The following PLEKHG1 variants were observed in gnomAD, a reference collection of about 807,000 sequenced individuals.
PLEKHG1 encodes the protein pleckstrin homology and RhoGEF domain containing G1.
PLEKHG1 carries 44 observed loss-of-function variants against 100.8 expected under a neutral mutation model. That is an observed-to-expected ratio of 0.44 (90% CI 0.34 to 0.56). PLEKHG1 has a LOEUF of 0.56. Among genes scored for constraint, PLEKHG1 ranks in the 20% least tolerant of loss-of-function variants. PLEKHG1 has a pLI of 0.01. For synonymous variants in PLEKHG1, 640 were observed against 662.5 expected (o/e 0.97, Z 0.52); for missense variants, 1,545 against 1,720.9 (o/e 0.90, Z 1.81).
intron 2 of PLEKHG1, 148 bp from the exon 4 acceptor site, chr6:150,768,490 A>G (rs1265083044): frequency 1.5e-5 from 9 of 618,688 alleles, no homozygotes; most frequent in Admixed American, 6.0e-5. Context: ...AGGGCCAGTA[A>G]TAAGAGAGCA....
intron 14 of PLEKHG1, among the ~76,000 whole-genome samples, chr6:150,824,521 CT>C (rs796906214): frequency 2.5e-3 from 369 of 145,388 alleles, no homozygotes; most frequent in African/African-American, 5.5e-3. Flanking sequence ...TCAACGTAGT[CT>C]TTTTTTTTTT....
intron 2 of PLEKHG1, among the ~76,000 whole-genome samples, chr6:150,746,259 A>G (rs2128625644): frequency 6.6e-6 from 1 of 152,316 alleles, no homozygotes; most frequent in East Asian, 1.9e-4. Context: ...CAGAAATGAG[A>G]ATTATGTTCA....
At chr6:150,708,069 G>C (rs909619867) in intron 3 of PLEKHG1, among the ~76,000 whole-genome samples, 1 of 152,138 alleles carries the variant, frequency 6.6e-6, no homozygotes, top group Admixed American at 6.5e-5. Context: ...AGAAATCCCT[G>C]TTCTTTTCCT....
At chr6:150,614,684 C>T (rs943519644) in intron 1 of PLEKHG1, among the ~76,000 whole-genome samples, 1 of 152,186 alleles carries the variant, frequency 6.6e-6, no homozygotes, top group Non-Finnish European at 1.5e-5. Context: ...GGCTCTCCCT[C>T]ACTCTCCCTC....
At chr6:150,840,738 G>A in exon 16 of PLEKHG1, 1 of 1,614,192 alleles carries the variant, frequency 6.2e-7, no homozygotes, top group Non-Finnish European at 8.5e-7. Context: ...AAAAAAGCCG[G>A]TTAACAGCAA....
intron 1 of PLEKHG1, among the ~76,000 whole-genome samples, chr6:150,725,363 A>G (rs989791206): frequency 6.6e-6 from 1 of 152,242 alleles, no homozygotes; most frequent in African/African-American, 2.4e-5. Context: ...AGACATTCAT[A>G]CCATAGCAAT....
chr6:150,747,332 G>A (rs1045973825), intron 2 of PLEKHG1, among the ~76,000 whole-genome samples: 4 of 152,214 alleles, frequency 2.6e-5, no homozygotes, highest in East Asian at 3.8e-4. Context: ...CCTGGGTCAC[G>A]TGATAAGCCG....
chr6:150,777,445 C>T (rs976442927), intron 3 of PLEKHG1, among the ~76,000 whole-genome samples: 13 of 144,930 alleles, frequency 9.0e-5, no homozygotes, highest in South Asian at 2.2e-4. Flanking sequence ...TGCACATGTG[C>T]GGTTGCACAT....
chr6:150,673,896 C>T (rs1562426796), intron 3 of PLEKHG1, among the ~76,000 whole-genome samples: 1 of 152,102 alleles, frequency 6.6e-6, no homozygotes, highest in Non-Finnish European at 1.5e-5. Context: ...AACTCCTGGG[C>T]TCAAGCATTC....
At chr6:150,812,142 A>G (rs1787568020) in intron 10 of PLEKHG1, among the ~76,000 whole-genome samples, 1 of 152,082 alleles carries the variant, frequency 6.6e-6, no homozygotes, top group Admixed American at 6.6e-5. Context: ...TGGGAGTGAG[A>G]GAGAGGAGCC....
intron 3 of PLEKHG1, among the ~76,000 whole-genome samples, chr6:150,678,054 G>A (rs967287907): frequency 1.0e-5 from 1 of 100,094 alleles, no homozygotes; most frequent in African/African-American, 3.7e-5. Flanking sequence ...ACAATGTGAT[G>A]TTTTGATGCA....
At chr6:150,616,831 T>TA (rs1329781356) in intron 1 of PLEKHG1, among the ~76,000 whole-genome samples, 4 of 152,264 alleles carry the variant, frequency 2.6e-5, no homozygotes, top group Non-Finnish European at 5.9e-5. Context: ...CAAAGAGGTG[T>TA]ACTAATCAGA....
chr6:150,752,041 C>A (rs554494175), intron 2 of PLEKHG1, among the ~76,000 whole-genome samples: 2 of 152,166 alleles, frequency 1.3e-5, no homozygotes, highest in African/African-American at 4.8e-5. Flanking sequence ...ATACAGAAAG[C>A]CGGGCATGGT....
rs1776279479 is a variant in PLEKHG1, at chr6:150,600,220, G to A, written c.-204+203G>A. Among the ~76,000 whole-genome samples, 2 of 151,060 alleles carry A rather than the reference G, an allele frequency of 1.3e-5. No homozygotes were observed. Among genetic ancestry groups the A allele is most frequent in the Non-Finnish European group, 3.0e-5 (2 of 67,570 alleles). On this transcript the variant is annotated intron_variant, in intron 1 of 3. Coordinates refer to the PLEKHG1 transcript ENST00000367326. This position sits in a 1 kb window ranked among gnomAD's most constrained non-coding sequence, Gnocchi z 6.2. ...CCGAGCGGTGGGGACAGAGGGCGCC[G>A]GGGGCACCGCGCGGTGGGGACGGAG... is the stretch of plus-strand genomic sequence containing the variant.
At chr6:150,755,589 G>A (rs1044226665) in intron 2 of PLEKHG1, among the ~76,000 whole-genome samples, 1 of 152,186 alleles carries the variant, frequency 6.6e-6, no homozygotes, top group Non-Finnish European at 1.5e-5. Flanking sequence ...AATGGACCAT[G>A]TGTGCAGTTT....
chr6:150,713,329 G>A (rs1280863638), intron 3 of PLEKHG1, among the ~76,000 whole-genome samples: 1 of 152,148 alleles, frequency 6.6e-6, no homozygotes. Flanking sequence ...TTAGAGAGAA[G>A]TGAGTTCTGA....
rs748945012 is a variant in PLEKHG1 at position 150,831,395 on chromosome 6, C to T, written c.2284C>T (p.Arg762Cys). 9.3e-6 allele frequency: 15 copies of T among 1,613,984 alleles called. No homozygotes were observed. Among genetic ancestry groups the T allele is most frequent in the Middle Eastern group, 3.3e-4 (2 of 6,084 alleles). The change falls in exon 15 of 16, where the codon CGT becomes TGT. Residue 762 changes from arginine to cysteine, a missense_variant. By Grantham distance (180) the Arg-to-Cys change is radical. Coordinates refer to ENST00000358517, the Ensembl canonical transcript of PLEKHG1. This position sits in a 1 kb window ranked among gnomAD's most constrained non-coding sequence, Gnocchi z 4.1. ...GGGTTTTAAGTGCAGCAGCCTAAAG[C>T]GTGCAAAGCGGAGCACCTTTTTGGG...
chr6:150,828,300 T>C (rs1384883107), intron 14 of PLEKHG1: 2 of 1,612,142 alleles, frequency 1.2e-6, no homozygotes, highest in African/African-American at 2.7e-5. Flanking sequence ...AGGAAAACCC[T>C]AAGAAGCCGA....
chr6:150,633,943 A>G (rs1777869116), intron 1 of PLEKHG1, among the ~76,000 whole-genome samples: 1 of 152,006 alleles, frequency 6.6e-6, no homozygotes, highest in Admixed American at 6.6e-5. Flanking sequence ...GGAGGAGGGG[A>G]AAAAGAGTGA....
Sources: gnomAD v4.1 joint callset for allele counts (sites outside exome capture counted in the v4.1 genomes callset) on GRCh38, gnomAD v4.1.1 for gene constraint, Gnocchi (gnomAD v3.1) non-coding constraint, MANE v1.5 for transcripts, NCBI Gene and HGNC (gene_info 2026-07-23, HGNC 2026-07-21) for gene names.